The following ING3 variants were observed in gnomAD, a reference collection of about 807,000 sequenced individuals.
ING3 encodes the protein inhibitor of growth protein 3.
A neutral mutation model predicts 64.8 loss-of-function variants in ING3; 6 were observed. That is an observed-to-expected ratio of 0.09 (90% CI 0.05 to 0.18). ING3 has a LOEUF of 0.18. Ranked by LOEUF, ING3 falls within the 10% of genes least tolerant of loss-of-function variation. The probability of loss-of-function intolerance (pLI) is 1.00; values close to 1 mark genes in which losing one functional copy is unlikely to be tolerated. For synonymous variants in ING3, 170 were observed against 173.7 expected, an observed-to-expected ratio of 0.98 and a Z score of 0.17; for missense variants, 310 against 489.7, an observed-to-expected ratio of 0.63 and a Z score of 3.46.
intron 4 of ING3, 132 bp downstream of exon 4, chr7:120,955,756 T>C (rs2116654585): frequency 3.1e-6 from 2 of 651,790 alleles, no homozygotes; most frequent in East Asian, 2.8e-5. Flanking sequence ...CACATCTAAT[T>C]TGACATTTCA....
intron 4 of ING3, chr7:120,956,346 C>G (rs191092473): frequency 4.8e-5 from 67 of 1,382,906 alleles, no homozygotes; most frequent in Non-Finnish European, 6.0e-5. Context: ...TCACTTTTGG[C>G]TAACTTCAGT....
intron 4 of ING3, among the ~76,000 whole-genome samples, chr7:120,964,050 A>T (rs1305674541): frequency 1.3e-5 from 2 of 152,162 alleles, no homozygotes; most frequent in Admixed American, 1.3e-4. Context: ...TTGAAGTGTC[A>T]TATAATTTTC....
In ING3 at chr7:120,975,692, AT is replaced by A. The variant is rs1213485089; in HGVS notation, c.*851del. The A allele has an allele frequency of 6.6e-6, 1 of 152,166 alleles. No individual in the cohort carries two copies. Among genetic ancestry groups the A allele is most frequent in the Non-Finnish European group, 1.5e-5 (1 of 68,012 alleles). 9.4% of individuals were successfully genotyped at this position (152,166 alleles called of 1,614,324 possible). On this transcript the variant is annotated 3_prime_UTR_variant, in exon 12 of 12. Coordinates refer to ENST00000315870, the MANE Select transcript of ING3 (RefSeq NM_019071.3). Reference sequence around the variant, plus strand: ...ATACTTTACATACTTAATAATGAAAATTTCTGAATTCCAATTAACTTTCAAC... The same window carrying A: ...ATACTTTACATACTTAATAATGAAAATTCTGAATTCCAATTAACTTTCAAC...
chr7:120,971,840 A>G (rs1242450971), intron 10 of ING3, among the ~76,000 whole-genome samples: 2 of 152,130 alleles, frequency 1.3e-5, no homozygotes, highest in Admixed American at 6.5e-5. Flanking sequence ...CAGACACCAA[A>G]ATATATTTTC....
Position 120,967,576 on chromosome 7 carries a change from C to T in ING3, c.484C>T (p.Pro162Ser). 1 of 1,595,708 alleles carries T rather than the reference C, an allele frequency of 6.3e-7. No individual in the cohort carries two copies. The highest frequency in any genetic ancestry group is 8.6e-7 in the Non-Finnish European group (1 of 1,164,828). ...TCACCATACGACAACAGATCATATT[C>T]CTGAAAAGAAATTTAAATCTGAAGC... is the stretch of plus-strand genomic sequence containing the variant. Reference protein sequence around the residue: ...TSHHTTTDHIPEKKFKSEALL... With the variant: ...TSHHTTTDHISEKKFKSEALL... Residue 162 changes from proline (P) to serine (S), a missense_variant, in exon 7 of 12, where the codon CCT (proline) becomes TCT (serine). By Grantham distance (74) the Pro-to-Ser change is moderately conservative (BLOSUM62 -1). Around this residue, in one of 3 missense-constraint regions of ING3, gnomAD observed 233 missense variants for 289.4 expected, o/e 0.81. Transcript: ENST00000315870.
chr7:120,961,181 C>T (rs1441696882), intron 4 of ING3, among the ~76,000 whole-genome samples: 2 of 152,112 alleles, frequency 1.3e-5, no homozygotes, highest in African/African-American at 4.8e-5. Context: ...ATGCTAAGGC[C>T]TCTCAAGTAT....
chr7:120,955,798 T>G (rs1795837597), intron 4 of ING3, 174 bp downstream of exon 4: 1 of 608,120 alleles, frequency 1.6e-6, no homozygotes, highest in African/African-American at 1.9e-5. Flanking sequence ...TGTGGAAAAG[T>G]CAGAGTGGTT....
Position 120,964,822 on chromosome 7 carries a change from A to G in ING3, c.348A>G (p.Thr116=), listed in dbSNP as rs761119372. Residue 116 remains threonine, a synonymous_variant, in exon 5 of 12, where the codon ACA becomes ACG. Coordinates refer to ENST00000315870, the MANE Select transcript of ING3 (RefSeq NM_019071.3). The part of the protein sequence containing the change: ...MELEADNAGI[T]EILERRSLEL... ...TGGAAGCTGATAATGCTGGAATTAC[A>G]GAAATATTAGAGAGGCGTAAGTAAA... 6.2e-7 allele frequency: 1 copy of G among 1,612,854 alleles called. No individual in the cohort carries two copies. Among genetic ancestry groups the G allele is most frequent in the Admixed American group, 1.7e-5 (1 of 60,024 alleles).
At chr7:120,968,162 C>T (rs79589210) in intron 8 of ING3, 71 bp downstream of exon 8, 109,561 of 1,335,930 alleles carry the variant, frequency 0.082, 7,692 homozygotes, top group East Asian at 0.32. Context: ...ATAGAAATAA[C>T]GGGATGTGAA....
chr7:120,961,661 T>A (rs1381207662), intron 4 of ING3, among the ~76,000 whole-genome samples: 1 of 152,208 alleles, frequency 6.6e-6, no homozygotes, highest in Non-Finnish European at 1.5e-5. Flanking sequence ...AAGTATGACT[T>A]AAATTTGCTA....
intron 4 of ING3, chr7:120,956,094 A>G: frequency 9.8e-7 from 1 of 1,023,852 alleles, no homozygotes; most frequent in African/African-American, 1.6e-5. Context: ...GATCGTATGT[A>G]ACAGCTGTGT....
chr7:120,958,297 A>G (rs370027857), intron 4 of ING3, among the ~76,000 whole-genome samples: 8 of 152,196 alleles, frequency 5.3e-5, no homozygotes, highest in East Asian at 1.9e-4. Context: ...TAATATAAAA[A>G]ATCCCTTCTC....
chr7:120,966,015 TA>T (rs1795992283), intron 5 of ING3, among the ~76,000 whole-genome samples: 1 of 152,254 alleles, frequency 6.6e-6, no homozygotes, highest in Admixed American at 6.5e-5. Context: ...GATCAAGTTA[TA>T]AAAACTGCTC....
In ING3 at chr7:120,977,189, C is replaced by G. The variant is rs1388413028; in HGVS notation, c.*2345C>G. The G allele has an allele frequency of 2.0e-5, 3 of 152,124 alleles. No homozygotes were observed. Among genetic ancestry groups the G allele is most frequent in the Non-Finnish European group, 4.4e-5 (3 of 68,022 alleles). The allele number at this position is 152,124 out of a possible 1,614,324, so 9.4% of individuals were successfully genotyped here. A position where few individuals can be genotyped will look rare whatever the true frequency, so the allele number is the denominator to read the frequency against. On this transcript the variant is annotated 3_prime_UTR_variant, in exon 12 of 12. Coordinates refer to ENST00000315870, the MANE Select transcript of ING3 (RefSeq NM_019071.3). ...AATGTTCATGGTGACACATTTGAAG[C>G]AATAAATGGCTTAATTAAATGCCAA...
intron 5 of ING3, among the ~76,000 whole-genome samples, chr7:120,966,215 A>G (rs1233041874): frequency 6.6e-6 from 1 of 152,094 alleles, no homozygotes; most frequent in African/African-American, 2.4e-5. Flanking sequence ...TTTTTTTCAT[A>G]TAGTAATGTC....
chr7:120,972,290 C>T (rs947898773), intron 10 of ING3, among the ~76,000 whole-genome samples: 4 of 152,052 alleles, frequency 2.6e-5, no homozygotes, highest in Non-Finnish European at 4.4e-5. Flanking sequence ...TTGCATGCTT[C>T]AGTTTCTTCA....
chr7:120,964,917 C>A, intron 5 of ING3, 79 bp downstream of exon 5: 1 of 1,143,984 alleles, frequency 8.7e-7, no homozygotes, highest in Non-Finnish European at 1.3e-6. Context: ...CCCACAGAGG[C>A]TTTTGAAATC....
chr7:120,969,295 A>C, intron 9 of ING3, 91 bp downstream of exon 9: 2 of 902,004 alleles, frequency 2.2e-6, no homozygotes, highest in Non-Finnish European at 3.2e-6. Flanking sequence ...TAAAGGCAGG[A>C]TATAACGGAT....
chr7:120,959,669 G>A (rs569993700), intron 4 of ING3, among the ~76,000 whole-genome samples: 2 of 106,602 alleles, frequency 1.9e-5, no homozygotes, highest in Non-Finnish European at 3.5e-5. Flanking sequence ...TTTTTGAGAC[G>A]GAGTCTCACT....
Sources: gnomAD v4.1 joint callset for allele counts (sites outside exome capture counted in the v4.1 genomes callset) on GRCh38, gnomAD v4.1.1 for gene constraint, gnomAD v4.1.1 regional missense constraint, MANE v1.5 for transcripts, NCBI Gene and HGNC (gene_info 2026-07-23, HGNC 2026-07-21) for gene names.